The following ABCD2 variants were observed in gnomAD, a reference collection of about 807,000 sequenced individuals.
The protein encoded by ABCD2 is ATP-binding cassette sub-family D member 2.
A neutral mutation model predicts 70.9 loss-of-function variants in ABCD2; 36 were observed. That is an observed-to-expected ratio of 0.51 (90% confidence interval 0.39 to 0.67). The LOEUF (loss-of-function observed/expected upper bound fraction) is 0.67. ABCD2 is among the 30% of genes least tolerant of loss of function. The pLI, the probability that ABCD2 is intolerant of heterozygous loss-of-function variation, is 0.00. For synonymous variants in ABCD2, 304 were observed against 306.9 expected (o/e 0.99, Z 0.10); for missense variants, 729 against 890.2 (o/e 0.82, Z 2.30).
In ABCD2 at chr12:39,553,935, T is replaced by A. The variant is rs1941123983; in HGVS notation, c.2200A>T (p.Lys734Ter). The A allele has an allele frequency of 1.9e-6, 3 of 1,610,882 alleles. No individual in the cohort carries two copies. The highest frequency in any genetic ancestry group is 2.5e-6 in the Non-Finnish European group (3 of 1,178,912). ...AATTAAGATGTCTCATCTTCATTTT[T>A]AATTGTTTTCAGCACTGAGTCTTCT... ...LGEDSVLKTI[K>*]NEDETS Residue 734 changes from lysine to a stop codon, truncating the protein, a stop_gained, in exon 10 of 10, where the codon AAA becomes TAA. Transcript: ENST00000308666. LOFTEE classifies it high-confidence loss of function.
At chr12:39,557,695 T>C (rs1941190144) in intron 9 of ABCD2, among the ~76,000 whole-genome samples, 1 of 152,170 alleles carries the variant, frequency 6.6e-6, no homozygotes, top group Non-Finnish European at 1.5e-5. Flanking sequence ...GTGCCCTATG[T>C]CCCAGCTGTG....
intron 9 of ABCD2, among the ~76,000 whole-genome samples, chr12:39,565,031 G>C (rs148208289): frequency 0.011 from 1,667 of 152,278 alleles, 36 homozygotes; most frequent in African/African-American, 0.036. Flanking sequence ...GTTTACTGTA[G>C]CCTTGTAGTA....
intron 6 of ABCD2, among the ~76,000 whole-genome samples, chr12:39,594,790 G>A (rs768760181): frequency 5.5e-4 from 84 of 152,034 alleles, no homozygotes; most frequent in Middle Eastern, 3.4e-3. Flanking sequence ...CCTGGCCAAC[G>A]TGATGAAACC....
At chr12:39,549,069 T>C (rs1290584092), downstream of ABCD2, among the ~76,000 whole-genome samples, 1 of 151,978 alleles carries the variant, frequency 6.6e-6, no homozygotes, top group Non-Finnish European at 1.5e-5. Flanking sequence ...AACTGGCTAG[T>C]TTTACATGAT....
chr12:39,603,083 A>G (rs1941922648), intron 5 of ABCD2, among the ~76,000 whole-genome samples: 2 of 152,060 alleles, frequency 1.3e-5, no homozygotes, highest in African/African-American at 4.8e-5. Flanking sequence ...GTTCAATGCT[A>G]CTCATCCTCT....
chr12:39,531,814 T>A, the ABCD2 span, among the ~76,000 whole-genome samples: 2 of 152,254 alleles, frequency 1.3e-5, no homozygotes. Flanking sequence ...AGTAGTAACC[T>A]CTAGTCTTTG....
At chr12:39,602,344 G>A (rs951800674) in intron 5 of ABCD2, among the ~76,000 whole-genome samples, 7 of 151,756 alleles carry the variant, frequency 4.6e-5, no homozygotes, top group African/African-American at 1.7e-4. Flanking sequence ...AGTAGAGACA[G>A]GGTTTCACCA....
intron 6 of ABCD2, among the ~76,000 whole-genome samples, chr12:39,596,600 A>C (rs545721932): frequency 6.6e-6 from 1 of 152,314 alleles, no homozygotes; most frequent in Admixed American, 6.5e-5. Context: ...ATGGGTGGGC[A>C]GAAGTTTATA....
At chr12:39,540,677 G>C in the ABCD2 span, among the ~76,000 whole-genome samples, 1 of 152,136 alleles carries the variant, frequency 6.6e-6, no homozygotes, top group Non-Finnish European at 1.5e-5. Flanking sequence ...AAGAACTTTG[G>C]TCTCCACAAT....
intron 9 of ABCD2, among the ~76,000 whole-genome samples, chr12:39,560,897 T>C (rs1941247121): frequency 6.6e-6 from 1 of 152,100 alleles, no homozygotes; most frequent in South Asian, 2.1e-4. Context: ...CAAAAATCTG[T>C]AGTAGACGCA....
chr12:39,617,316 T>C, intron 1 of ABCD2, 148 bp from the exon 2 acceptor site: 1 of 473,196 alleles, frequency 2.1e-6, no homozygotes, highest in Non-Finnish European at 3.5e-6. Context: ...TGGTCACATG[T>C]GTATTATTTT....
intron 7 of ABCD2, among the ~76,000 whole-genome samples, chr12:39,584,544 TG>T (rs1344771004): frequency 1.3e-5 from 2 of 152,208 alleles, no homozygotes; most frequent in Non-Finnish European, 2.9e-5. Context: ...TGTCAATTTT[TG>T]CTTTCATTGT....
intron 1 of ABCD2, among the ~76,000 whole-genome samples, chr12:39,617,607 C>A (rs1230729230): frequency 6.6e-6 from 1 of 152,060 alleles, no homozygotes; most frequent in Non-Finnish European, 1.5e-5. Context: ...TAATTTATAT[C>A]ATTGAATTCA....
At chr12:39,568,241 T>C (rs1941388599) in intron 9 of ABCD2, among the ~76,000 whole-genome samples, 1 of 152,218 alleles carries the variant, frequency 6.6e-6, no homozygotes, top group African/African-American at 2.4e-5. Context: ...GATTCCATTC[T>C]CCCCGTCACT....
At chr12:39,539,152 C>T in the ABCD2 span, among the ~76,000 whole-genome samples, 1 of 152,204 alleles carries the variant, frequency 6.6e-6, no homozygotes, top group African/African-American at 2.4e-5. Flanking sequence ...ATACTGCATT[C>T]TTCCATTTGG....
At chr12:39,565,659 C>T (rs1941334190) in intron 9 of ABCD2, among the ~76,000 whole-genome samples, 1 of 152,144 alleles carries the variant, frequency 6.6e-6, no homozygotes, top group Admixed American at 6.5e-5. Context: ...GAACTTCTAA[C>T]ACTATGTTGA....
chr12:39,575,811 C>T (rs1250177238), intron 8 of ABCD2, among the ~76,000 whole-genome samples: 1 of 152,154 alleles, frequency 6.6e-6, no homozygotes. Flanking sequence ...CTTTATGTGG[C>T]TCACTAAATT....
chr12:39,608,005 T>C lies in ABCD2; in HGVS notation c.1121-291A>G, dbSNP rs144959720. On this transcript the variant is annotated intron_variant, in intron 2 of 9. Coordinates refer to ENST00000308666, the MANE Select transcript of ABCD2 (RefSeq NM_005164.4). ...CAGTATGGTGAAACCTTGTCGCTAC[T>C]AAAATTACAAAAATAAGCCAGATGT... is the stretch of plus-strand genomic sequence containing the variant. Among the ~76,000 whole-genome samples the C allele has an allele frequency of 3.9e-3, 594 of 152,046 alleles. 2 individuals carry two copies. Among genetic ancestry groups the C allele is most frequent in the Middle Eastern group, 0.01 (3 of 294 alleles).
At chr12:39,567,459 C>T (rs977576582) in intron 9 of ABCD2, among the ~76,000 whole-genome samples, 3 of 152,230 alleles carry the variant, frequency 2.0e-5, no homozygotes, top group Admixed American at 6.5e-5. Flanking sequence ...GCAACCCCTG[C>T]ATTTTTTGTT....
Sources: gnomAD v4.1 joint callset for allele counts (sites outside exome capture counted in the v4.1 genomes callset) on GRCh38, gnomAD v4.1.1 for gene constraint, MANE v1.5 for transcripts, NCBI Gene and HGNC (gene_info 2026-07-23, HGNC 2026-07-21) for gene names.